Variants in SGCD observed in about 807,000 individuals in gnomAD.
SGCD encodes sarcoglycan delta, also known as delta-sarcoglycan.
A neutral mutation model predicts 36.6 loss-of-function variants in SGCD; 18 were observed. The ratio of observed to expected loss-of-function variants is 0.49; its 90% CI spans 0.34 to 0.73. The LOEUF is 0.73. Among genes scored for constraint, SGCD ranks in the 30% least tolerant of loss-of-function variants. SGCD has a pLI of 0.01. For missense variants in SGCD, 387 were observed against 346.7 expected (o/e 1.12, Z -0.92); for synonymous variants, 133 against 130.6 (o/e 1.02, Z -0.12).
chr5:156,172,042 G>A (rs922863905), intron 3 of SGCD, among the ~76,000 whole-genome samples: 6 of 152,218 alleles, frequency 3.9e-5, no homozygotes, highest in Non-Finnish European at 7.4e-5. Flanking sequence ...CAGCACTTTG[G>A]GAGGCCAAGG....
At chr5:156,376,651 G>T (rs1875963) in intron 3 of SGCD, among the ~76,000 whole-genome samples, 83,594 of 151,900 alleles carry the variant, frequency 0.55, 23,329 homozygotes, top group East Asian at 0.84. Flanking sequence ...ATGTGCATCA[G>T]ATTTTTTTTT....
chr5:155,748,574 T>A, the SGCD span, among the ~76,000 whole-genome samples: 1 of 152,092 alleles, frequency 6.6e-6, no homozygotes, highest in African/African-American at 2.4e-5. Context: ...GAGTTTTGAT[T>A]TACATTACAA....
chr5:156,617,435 T>G (rs945094806), intron 6 of SGCD, among the ~76,000 whole-genome samples: 1 of 152,196 alleles, frequency 6.6e-6, no homozygotes. Context: ...TGGGGATACC[T>G]CTGGTGCTGT....
Position 156,055,213 on chromosome 5 carries a change from CTTTTCTTTT to C in SGCD, c.-281-62657_-281-62649del, listed in dbSNP as rs1760030923. 2.1e-5 allele frequency among the ~76,000 whole-genome samples: 3 copies of C among 140,140 alleles called. 1 individual carries two copies. 91.9% of individuals were successfully genotyped at this position (140,140 alleles called of 152,430 possible). A position where few individuals can be genotyped will look rare whatever the true frequency, so the allele number is the denominator to read the frequency against. ...ACTCCTTTTTTTTCTTTCTTTCTTT[CTTTTCTTTT>C]TTTTCTTAAAAGACAAAATAAAGTA... is the stretch of plus-strand genomic sequence containing the variant. On this transcript the variant is annotated intron_variant, in intron 1 of 9. Transcript: ENST00000517913.
At chr5:156,458,639 G>T in intron 3 of SGCD, 1 of 627,928 alleles carries the variant, frequency 1.6e-6, no homozygotes. Flanking sequence ...CAATATTCAT[G>T]CAGATATTGT....
chr5:156,094,672 G>A (rs923827384), intron 1 of SGCD, among the ~76,000 whole-genome samples: 6 of 152,146 alleles, frequency 3.9e-5, no homozygotes, highest in Non-Finnish European at 5.9e-5. Context: ...TGCCCAGAAT[G>A]TACCCCAAGG....
intron 6 of SGCD, among the ~76,000 whole-genome samples, chr5:156,623,322 G>A (rs555649464): frequency 1.4e-4 from 21 of 152,262 alleles, no homozygotes; most frequent in South Asian, 4.1e-4. Flanking sequence ...ACAGGACACC[G>A]TGATGAGGAT....
rs181977126 is a variant in SGCD, at chr5:156,197,708, A to G, written c.-44+73689A>G. Among the ~76,000 whole-genome samples, 564 of 151,726 alleles carry G rather than the reference A, an allele frequency of 3.7e-3. 2 individuals carry two copies. Among genetic ancestry groups the G allele is most frequent in the Non-Finnish European group, 6.5e-3 (443 of 67,852 alleles). ...TTAATTACATGTGATTTTTTTGCCT[A>G]TTTACTTGGGCATGCTGATTTTTAT... is the stretch of plus-strand genomic sequence containing the variant. On this transcript the variant is annotated intron_variant, in intron 3 of 9. Coordinates refer to the SGCD transcript ENST00000517913.
upstream of SGCD, chr5:156,326,999 C>A (rs1412654156): frequency 6.6e-6 from 1 of 152,296 alleles, no homozygotes; most frequent in East Asian, 1.9e-4. Context: ...GTACGGAGTA[C>A]GGTTTCAAAG....
intron 3 of SGCD, among the ~76,000 whole-genome samples, chr5:156,182,769 T>G (rs1763639565): frequency 6.6e-6 from 1 of 152,140 alleles, no homozygotes; most frequent in Non-Finnish European, 1.5e-5. Context: ...AGGGTCAGAG[T>G]CTCTTTCTTT....
chr5:156,563,737 T>TC (rs1475536197), intron 4 of SGCD, among the ~76,000 whole-genome samples: 1 of 146,226 alleles, frequency 6.8e-6, no homozygotes, highest in Admixed American at 6.8e-5. Flanking sequence ...AGAAAGTTCT[T>TC]CCCTACTCCC....
chr5:156,329,967 A>G (rs892215769), intron 2 of SGCD, among the ~76,000 whole-genome samples: 5 of 146,050 alleles, frequency 3.4e-5, no homozygotes, highest in Non-Finnish European at 7.5e-5. Context: ...CAGTGAGCCA[A>G]GATGGCGCCA....
At chr5:156,216,893 A>G (rs1193225085) in intron 3 of SGCD, among the ~76,000 whole-genome samples, 1 of 152,212 alleles carries the variant, frequency 6.6e-6, no homozygotes, top group Non-Finnish European at 1.5e-5. Context: ...AGCCTGGCCA[A>G]CATGGCAAAA....
At chr5:156,143,108 G>A (rs955337791) in intron 3 of SGCD, among the ~76,000 whole-genome samples, 2 of 152,210 alleles carry the variant, frequency 1.3e-5, no homozygotes, top group Non-Finnish European at 2.9e-5. Flanking sequence ...TCAGGACACT[G>A]CTTTTTGCCT....
At chr5:156,640,981 A>G (rs1056898893) in intron 6 of SGCD, among the ~76,000 whole-genome samples, 2 of 152,212 alleles carry the variant, frequency 1.3e-5, no homozygotes, top group South Asian at 4.1e-4. Flanking sequence ...TCAGAAGCTG[A>G]CAGCCACCTT....
rs115000002 is a variant in SGCD at position 156,627,717 on chromosome 5, G to T, written c.503-19747G>T. ...GTTTGTTGGGAAATCCAAGACAAGA[G>T]CCTGGATATTAGAATATATAATATT... On this transcript the variant is annotated intron_variant, in intron 6 of 8. Coordinates refer to ENST00000337851, the MANE Select transcript of SGCD (RefSeq NM_000337.6). Among the ~76,000 whole-genome samples the T allele has an allele frequency of 4.3e-3, 652 of 152,170 alleles. 3 individuals are homozygous for T. Among genetic ancestry groups the T allele is most frequent in the African/African-American group, 0.015 (603 of 41,526 alleles).
intron 1 of SGCD, among the ~76,000 whole-genome samples, chr5:155,947,152 GCTA>G (rs1757453765): frequency 6.6e-6 from 1 of 152,146 alleles, no homozygotes; most frequent in East Asian, 1.9e-4. Flanking sequence ...CTTCCCTTTA[GCTA>G]CTATGGCATT....
chr5:156,235,097 C>T (rs1035825470), intron 3 of SGCD, among the ~76,000 whole-genome samples: 1 of 152,110 alleles, frequency 6.6e-6, no homozygotes, highest in Non-Finnish European at 1.5e-5. Context: ...TGTATGCTTT[C>T]CCCCTTCCTT....
chr5:156,198,772 T>TTCAAA (rs1764079235), intron 3 of SGCD, among the ~76,000 whole-genome samples: 2 of 152,280 alleles, frequency 1.3e-5, no homozygotes, highest in South Asian at 4.1e-4. Flanking sequence ...TCTCCTGTGC[T>TTCAAA]TCAAATTTCA....
Sources: allele counts gnomAD v4.1 joint callset (sites outside exome capture counted in the v4.1 genomes callset), GRCh38; gene constraint gnomAD v4.1.1; transcripts MANE v1.5; gene names NCBI Gene and HGNC (gene_info 2026-07-23, HGNC 2026-07-21).